Variants in EEIG2 observed in about 807,000 individuals in gnomAD.
EEIG2 encodes EEIG family member 2.
At chr1:108,564,715 C>G in the EEIG2 span, among the ~76,000 whole-genome samples, 1 of 152,046 alleles carries the variant, frequency 6.6e-6, no homozygotes, top group Non-Finnish European at 1.5e-5. Context: ...GGCCGAGACA[C>G]GCGGATTGGT....
the EEIG2 span, among the ~76,000 whole-genome samples, chr1:108,598,939 G>T: frequency 6.6e-5 from 10 of 152,138 alleles, no homozygotes; most frequent in East Asian, 1.7e-3. Flanking sequence ...ACTGAGACAG[G>T]AGTATCACTT....
At chr1:108,563,126 T>C in the EEIG2 span, among the ~76,000 whole-genome samples, 1 of 152,226 alleles carries the variant, frequency 6.6e-6, no homozygotes, top group Non-Finnish European at 1.5e-5. Flanking sequence ...GGCTGGCCCT[T>C]GGCTGGCATC....
the EEIG2 span, among the ~76,000 whole-genome samples, chr1:108,593,984 T>C: frequency 6.6e-6 from 1 of 152,040 alleles, no homozygotes; most frequent in Admixed American, 6.6e-5. Flanking sequence ...TTTTATATTT[T>C]TTTTGTAGAG....
chr1:108,598,161 G>A, the EEIG2 span, among the ~76,000 whole-genome samples: 37 of 151,872 alleles, frequency 2.4e-4, no homozygotes, highest in African/African-American at 7.0e-4. Context: ...GTGAAACCCC[G>A]TCTCTACAAA....
At chr1:108,616,919 A>G in the EEIG2 span, among the ~76,000 whole-genome samples, 1 of 152,214 alleles carries the variant, frequency 6.6e-6, no homozygotes, top group Admixed American at 6.5e-5. Context: ...TGGGAGGGCC[A>G]TCGTGAAGAG....
chr1:108,598,816 A>T, the EEIG2 span, among the ~76,000 whole-genome samples: 1 of 152,090 alleles, frequency 6.6e-6, no homozygotes, highest in East Asian at 1.9e-4. Flanking sequence ...CTGTTCTTGG[A>T]TTTCTGTGTA....
At chr1:108,568,717 G>A in the EEIG2 span, among the ~76,000 whole-genome samples, 1 of 152,132 alleles carries the variant, frequency 6.6e-6, no homozygotes, top group Non-Finnish European at 1.5e-5. Flanking sequence ...GTTGTCAGGG[G>A]CCTGGACTCT....
chr1:108,596,923 G>A, the EEIG2 span, among the ~76,000 whole-genome samples: 1 of 151,936 alleles, frequency 6.6e-6, no homozygotes, highest in African/African-American at 2.4e-5. Flanking sequence ...TTGAAACAGG[G>A]TCTCCTTTGT....
At chr1:108,600,536 ATTAAT>A in the EEIG2 span, 1 of 1,607,886 alleles carries the variant, frequency 6.2e-7, no homozygotes, top group Admixed American at 1.7e-5. Flanking sequence ...ATAATAGTTA[ATTAAT>A]TGGCTCTTTT....
At chr1:108,572,357 C>G in the EEIG2 span, among the ~76,000 whole-genome samples, 5 of 152,144 alleles carry the variant, frequency 3.3e-5, no homozygotes, top group Non-Finnish European at 7.3e-5. Context: ...TAGCCTCCCC[C>G]ACTAGCAACA....
At chr1:108,569,717 A>G in the EEIG2 span, among the ~76,000 whole-genome samples, 3 of 152,116 alleles carry the variant, frequency 2.0e-5, no homozygotes, top group Non-Finnish European at 4.4e-5. Context: ...TAAATCTTTC[A>G]CTATAGCTGG....
chr1:108,570,521 G>A, the EEIG2 span, among the ~76,000 whole-genome samples: 1 of 152,206 alleles, frequency 6.6e-6, no homozygotes, highest in African/African-American at 2.4e-5. Flanking sequence ...GGGATGTGAG[G>A]ATAATGATGA....
At chr1:108,575,810 T>C in the EEIG2 span, among the ~76,000 whole-genome samples, 1 of 152,090 alleles carries the variant, frequency 6.6e-6, no homozygotes, top group African/African-American at 2.4e-5. Context: ...GGCTGAGGGA[T>C]TGGAGAGAAA....
chr1:108,637,905 C>T, the EEIG2 span: 1 of 152,608 alleles, frequency 6.6e-6, no homozygotes, highest in Non-Finnish European at 1.5e-5. Context: ...GAATTGTTGA[C>T]TCCCCTTTGT....
chr1:108,620,067 T>C, the EEIG2 span, among the ~76,000 whole-genome samples: 1 of 152,176 alleles, frequency 6.6e-6, no homozygotes, highest in Non-Finnish European at 1.5e-5. Flanking sequence ...CAAGTTCTCA[T>C]TGTACAGATG....
the EEIG2 span, chr1:108,628,863 G>T: frequency 1.3e-6 from 2 of 1,527,702 alleles, no homozygotes; most frequent in Non-Finnish European, 1.8e-6. Flanking sequence ...AATCTGTGTA[G>T]TCAGCAGTAA....
chr1:108,628,071 G>C, the EEIG2 span: 8 of 1,015,064 alleles, frequency 7.9e-6, no homozygotes, highest in South Asian at 1.4e-5. Context: ...TTTTGATAAT[G>C]AACTTGGCAG....
chr1:108,612,420 G>A, the EEIG2 span: 180 of 601,104 alleles, frequency 3.0e-4, no homozygotes, highest in East Asian at 5.0e-3. Flanking sequence ...TACCACTGAA[G>A]TATTCATCAC....
chr1:108,608,689 C>A, the EEIG2 span, among the ~76,000 whole-genome samples: 3 of 152,210 alleles, frequency 2.0e-5, no homozygotes, highest in Non-Finnish European at 4.4e-5. Flanking sequence ...TAACTTTTAG[C>A]CTGAAATATC....
Sources: gnomAD v4.1 joint callset for allele counts (sites outside exome capture counted in the v4.1 genomes callset) on GRCh38, gnomAD v4.1.1 for gene constraint, MANE v1.5 for transcripts, NCBI Gene and HGNC (gene_info 2026-07-23, HGNC 2026-07-21) for gene names.